Variants in ZNF804B observed in about 807,000 individuals in gnomAD.
ZNF804B encodes the protein zinc finger protein 804B, also known as zinc finger 804B.
In ZNF804B, 80 loss-of-function variants were observed where a neutral mutation model predicts 101.4. That is an observed-to-expected ratio of 0.79 (90% CI 0.66 to 0.95). The LOEUF is 0.95. ZNF804B is among the 40% of genes least tolerant of loss of function. ZNF804B has a pLI of 0.00. For synonymous variants in ZNF804B, 622 were observed against 558.8 expected, an observed-to-expected ratio of 1.11 and a Z score of -1.59; for missense variants, 1,673 against 1,561.9, an observed-to-expected ratio of 1.07 and a Z score of -1.20.
At chr7:88,962,237 C>T (rs1793396109) in intron 1 of ZNF804B, among the ~76,000 whole-genome samples, 1 of 151,248 alleles carries the variant, frequency 6.6e-6, no homozygotes, top group South Asian at 2.1e-4. Flanking sequence ...GCTGTTTATA[C>T]TGGTAAATTA....
At chr7:88,788,846 A>G (rs969036461) in intron 1 of ZNF804B, among the ~76,000 whole-genome samples, 9 of 152,100 alleles carry the variant, frequency 5.9e-5, no homozygotes, top group Non-Finnish European at 8.8e-5. Context: ...TGACAACACT[A>G]TTATTCTCTT....
At position 89,336,572 on chromosome 7, in the gene ZNF804B, C is replaced by T. The variant is rs758565830; in HGVS notation, c.3590C>T (p.Thr1197Ile). 4 of 1,614,102 alleles carry T rather than the reference C, an allele frequency of 2.5e-6. No individual in the cohort carries two copies. The East Asian group carries it at 8.9e-5, about 36-fold the overall frequency. ...TTCTCTCCGGCCTCAACCGTACAGA[C>T]AGTTCCAGTTCACCAGCACACTTCT... ...TAFSPASTVQ[T>I]VPVHQHTSIT... The change falls in exon 4 of 4, where the codon ACA (threonine) becomes ATA (isoleucine). Residue 1197 changes from threonine to isoleucine, a missense_variant. Thr to Ile is a moderately conservative substitution (Grantham distance 89). Coordinates refer to ENST00000333190, the MANE Select transcript of ZNF804B (RefSeq NM_181646.5).
chr7:88,917,688 C>G (rs531463367), intron 1 of ZNF804B, among the ~76,000 whole-genome samples: 21 of 152,140 alleles, frequency 1.4e-4, no homozygotes, highest in African/African-American at 5.1e-4. Context: ...ATCAAGATTG[C>G]CAGGTTAAAT....
intron 1 of ZNF804B, among the ~76,000 whole-genome samples, chr7:88,804,943 C>A: frequency 6.6e-6 from 1 of 151,750 alleles, no homozygotes; most frequent in African/African-American, 2.4e-5. Context: ...GTAAAGTTGC[C>A]GAAAAATGTG....
chr7:88,924,261 T>G (rs1167321882), intron 1 of ZNF804B, among the ~76,000 whole-genome samples: 1 of 152,204 alleles, frequency 6.6e-6, no homozygotes, highest in African/African-American at 2.4e-5. Context: ...TTTTGACTAA[T>G]CTGATTGGTT....
intron 1 of ZNF804B, among the ~76,000 whole-genome samples, chr7:89,190,968 G>T (rs1360636268): frequency 6.6e-6 from 1 of 152,124 alleles, no homozygotes; most frequent in Non-Finnish European, 1.5e-5. Flanking sequence ...ATGTGCACAG[G>T]AAACCAACAA....
chr7:88,855,962 A>G (rs1350930276), intron 1 of ZNF804B, among the ~76,000 whole-genome samples: 2 of 152,116 alleles, frequency 1.3e-5, no homozygotes, highest in Non-Finnish European at 2.9e-5. Flanking sequence ...CCATTGATCT[A>G]TATCTCTGTT....
At chr7:88,984,508 TC>T (rs1258534621) in intron 1 of ZNF804B, among the ~76,000 whole-genome samples, 4 of 151,966 alleles carry the variant, frequency 2.6e-5, no homozygotes, top group Non-Finnish European at 2.9e-5. Context: ...GTATATTCAT[TC>T]TGTGTAACTG....
At chr7:89,091,374 T>C (rs1277716825) in intron 1 of ZNF804B, among the ~76,000 whole-genome samples, 1 of 152,188 alleles carries the variant, frequency 6.6e-6, no homozygotes, top group African/African-American at 2.4e-5. Flanking sequence ...TAGTAACAGG[T>C]GGCAAAAAGT....
At chr7:89,125,749 C>T (rs892245671) in intron 1 of ZNF804B, among the ~76,000 whole-genome samples, 1 of 151,994 alleles carries the variant, frequency 6.6e-6, no homozygotes, top group Non-Finnish European at 1.5e-5. Context: ...CCTGTCTATG[C>T]CTCCTTTGTT....
chr7:89,118,475 A>G (rs896436036), intron 1 of ZNF804B, among the ~76,000 whole-genome samples: 1 of 152,266 alleles, frequency 6.6e-6, no homozygotes, highest in Non-Finnish European at 1.5e-5. Context: ...GACAGGGAAA[A>G]TGTCATTCAA....
intron 1 of ZNF804B, among the ~76,000 whole-genome samples, chr7:88,834,316 C>G (rs999424132): frequency 6.6e-6 from 1 of 151,688 alleles, no homozygotes; most frequent in Non-Finnish European, 1.5e-5. Context: ...GCTATTATAA[C>G]CAGGAGTGTA....
intron 1 of ZNF804B, among the ~76,000 whole-genome samples, chr7:89,167,367 C>T (rs556979782): frequency 4.0e-5 from 6 of 151,776 alleles, no homozygotes; most frequent in African/African-American, 1.2e-4. Flanking sequence ...TGCTGGAACC[C>T]GGGAGGTGGA....
intron 1 of ZNF804B, among the ~76,000 whole-genome samples, chr7:88,828,189 CT>C (rs765460777): frequency 1.3e-5 from 2 of 151,952 alleles, no homozygotes; most frequent in Non-Finnish European, 2.9e-5. Context: ...TAAAAATTAA[CT>C]TTATAGAGGT....
At chr7:89,211,716 T>A (rs1389263217) in intron 1 of ZNF804B, among the ~76,000 whole-genome samples, 1 of 152,200 alleles carries the variant, frequency 6.6e-6, no homozygotes, top group Non-Finnish European at 1.5e-5. Context: ...CCTGTTTTTA[T>A]ACCAGTACCA....
At chr7:89,023,163 G>A (rs1788694317) in intron 1 of ZNF804B, among the ~76,000 whole-genome samples, 2 of 152,024 alleles carry the variant, frequency 1.3e-5, no homozygotes, top group South Asian at 4.1e-4. Flanking sequence ...TGAATAGATG[G>A]GTGGTGGCCA....
intron 1 of ZNF804B, among the ~76,000 whole-genome samples, chr7:88,838,412 A>G (rs1346838772): frequency 6.6e-6 from 1 of 151,946 alleles, no homozygotes; most frequent in Non-Finnish European, 1.5e-5. Context: ...TACATGTTAC[A>G]GTGGTTTCAA....
Position 89,033,052 on chromosome 7 carries a change from A to C in ZNF804B, c.109-185103A>C, listed in dbSNP as rs1233685293. On this transcript the variant is annotated intron_variant, in intron 1 of 3. Coordinates refer to ENST00000333190, the MANE Select transcript of ZNF804B (RefSeq NM_181646.5). ...AATATATTTAAAAGGAAAAAAAAAA[A>C]CCGTATCCCTCCTGTCTAATTGAGG... 3.3e-5 allele frequency among the ~76,000 whole-genome samples: 5 copies of C among 151,198 alleles called. No homozygotes were observed. In the South Asian group the frequency reaches 1.0e-3, roughly 32 times the overall value.
chr7:89,225,669 C>T (rs1252647278), intron 2 of ZNF804B, among the ~76,000 whole-genome samples: 1 of 151,948 alleles, frequency 6.6e-6, no homozygotes, highest in Non-Finnish European at 1.5e-5. Flanking sequence ...ATATGGGGTG[C>T]CTAATCTCAA....
Sources: allele counts gnomAD v4.1 joint callset (sites outside exome capture counted in the v4.1 genomes callset), GRCh38; gene constraint gnomAD v4.1.1; transcripts MANE v1.5; gene names NCBI Gene and HGNC (gene_info 2026-07-23, HGNC 2026-07-21).